The following ETAA1 variants were observed in gnomAD, a reference collection of about 807,000 sequenced individuals.
ETAA1 encodes the protein ewing's tumor-associated antigen 1.
Under a neutral mutation model 76.8 loss-of-function variants are expected in ETAA1, and 49 were observed. The observed-to-expected ratio is 0.64, with a 90% CI of 0.51 to 0.81. The LOEUF is 0.81. ETAA1 is among the 30% of genes least tolerant of loss of function. The probability of loss-of-function intolerance (pLI) is 0.00; values close to 1 mark genes in which losing one functional copy is unlikely to be tolerated. For missense variants in ETAA1, 1,099 were observed against 1,074.0 expected, an observed-to-expected ratio of 1.02 and a Z score of -0.32; for synonymous variants, 373 against 372.2, an observed-to-expected ratio of 1.00 and a Z score of -0.03.
chr2:67,405,241 G>A lies in ETAA1; in HGVS notation c.2559G>A (p.Val853=). The A allele has an allele frequency of 6.2e-7, 1 of 1,611,746 alleles. No individual in the cohort carries two copies. The highest frequency in any genetic ancestry group is 8.5e-7 in the Non-Finnish European group (1 of 1,178,818). ...CTGATACCAAAATTACACAGGGTGT[G>A]GAGAAAAAGAAAGGTGTCAACCCAT... ...SMSDTKITQG[V]EKKKGVNPLL... Residue 853 remains valine (V), a synonymous_variant, in exon 5 of 6, where the codon GTG becomes GTA. Transcript: ENST00000272342.
At position 67,403,223 on chromosome 2, in the gene ETAA1, A is replaced by C. The variant is rs1328016375; in HGVS notation, c.543-2A>C. 6.6e-6 allele frequency: 10 copies of C among 1,518,774 alleles called. No homozygotes were observed. Among genetic ancestry groups the C allele is most frequent in the Non-Finnish European group, 8.9e-7 (1 of 1,128,310 alleles). The allele number at this position is 1,518,774 out of a possible 1,614,324, so 94.1% of individuals were successfully genotyped here. On this transcript the variant is annotated splice_acceptor_variant, in intron 4 of 5. Transcript: ENST00000272342. LOFTEE classifies it high-confidence loss of function. ...TAGTTATTTTTTAATCTTGTTTAAT[A>C]GGTTAAAAACACAAAGTCAAGAAGA...
rs1676150273 is a variant in ETAA1, at chr2:67,404,593, T to C, written c.1911T>C (p.Cys637=). ...ACAGTAAGACATCAGAAAGTATATG[T>C]GAGATCAATAATAATTCCGAACATG... ...RKDSKTSESI[C]EINNNSEHGA... The change falls in exon 5 of 6, where the codon TGT becomes TGC. Residue 637 remains cysteine (C), a synonymous_variant. Coordinates refer to ENST00000272342, the MANE Select transcript of ETAA1 (RefSeq NM_019002.4). 6.2e-7 allele frequency: 1 copy of C among 1,613,384 alleles called. No individual in the cohort carries two copies. The highest frequency in any genetic ancestry group is 8.5e-7 in the Non-Finnish European group (1 of 1,179,520).
At chr2:67,402,775 TTGTC>T in intron 3 of ETAA1, 83 bp from the exon 4 acceptor site, 3 of 819,214 alleles carry the variant, frequency 3.7e-6, no homozygotes, top group South Asian at 2.8e-5. Context: ...TTAGTTTTTA[TTGTC>T]TTTTTTCTTT....
At chr2:67,405,391 ATAAT>A (rs983301126) in intron 5 of ETAA1, 56 bp downstream of exon 5, 8 of 1,364,464 alleles carry the variant, frequency 5.9e-6, no homozygotes, top group South Asian at 1.6e-5. Flanking sequence ...AAGTAGTAAA[ATAAT>A]TATTTGTTGT....
At position 67,404,004 on chromosome 2, in the gene ETAA1, CAA is replaced by C; in HGVS notation, c.1325_1326del (p.Lys442SerfsTer11). 3 of 1,607,656 alleles carry C rather than the reference CAA, an allele frequency of 1.9e-6. No individual in the cohort carries two copies. The highest frequency in any genetic ancestry group is 2.5e-6 in the Non-Finnish European group (3 of 1,177,796). ...AGTCCAGATGCCAGGTTAGGAGATT[CAA>C]AAGTATTACAAGATCTTTCTTCAAA... On this transcript the variant is annotated frameshift_variant, in exon 5 of 6. Transcript: ENST00000272342. LOFTEE classifies it high-confidence loss of function.
At chr2:67,398,236 C>A (rs1675943631) in intron 1 of ETAA1, among the ~76,000 whole-genome samples, 1 of 146,630 alleles carries the variant, frequency 6.8e-6, no homozygotes, top group Non-Finnish European at 1.5e-5. Flanking sequence ...TAAAAGACTT[C>A]TAGTAAATCT....
chr2:67,403,808 A>G lies in ETAA1; in HGVS notation c.1126A>G (p.Thr376Ala), dbSNP rs765764215. ...TSNKYIDAFT[T>A]SDFEDDWENL... ...TAATAAGTACATTGATGCATTTACT[A>G]CAAGTGATTTTGAGGATGATTGGGA... The change falls in exon 5 of 6, where the codon ACA becomes GCA. Residue 376 changes from threonine to alanine, a missense_variant. Physicochemically the swap from Thr to Ala is moderately conservative, Grantham distance 58 (BLOSUM62 0). Around this residue, in one of 3 missense-constraint regions of ETAA1, gnomAD observed 761 missense variants for 731.9 expected, o/e 1.04. Transcript: ENST00000272342. 5 of 1,613,238 alleles carry G rather than the reference A, an allele frequency of 3.1e-6. No individual in the cohort carries two copies. The African/African-American group carries it at 4.0e-5, about 13-fold the overall frequency.
Position 67,404,817 on chromosome 2 carries a change from T to C in ETAA1, c.2135T>C (p.Ile712Thr). Residue 712 changes from isoleucine to threonine, a missense_variant, in exon 5 of 6, where the codon ATA becomes ACA. Around this residue, in one of 3 missense-constraint regions of ETAA1, gnomAD observed 302 missense variants for 278.1 expected, o/e 1.09. Coordinates refer to ENST00000272342, the MANE Select transcript of ETAA1 (RefSeq NM_019002.4). ...ACATCTTTGACAAATAGCTCACAAA[T>C]AGATAAGCCAATGAAGATGGAGAAA... ...VQTSLTNSSQ[I>T]DKPMKMEKGE... 6.2e-7 allele frequency: 1 copy of C among 1,613,336 alleles called. No homozygotes were observed. Among genetic ancestry groups the C allele is most frequent in the Non-Finnish European group, 8.5e-7 (1 of 1,179,528 alleles).
chr2:67,402,799 T>C, intron 3 of ETAA1, 63 bp from the exon 4 acceptor site: 1 of 1,084,316 alleles, frequency 9.2e-7, no homozygotes, highest in East Asian at 2.8e-5. Flanking sequence ...TCTTTTGTTT[T>C]TTTGGAAGAC....
At chr2:67,399,445 C>T in intron 2 of ETAA1, 105 bp from the exon 3 acceptor site, 2 of 1,128,190 alleles carry the variant, frequency 1.8e-6, no homozygotes, top group East Asian at 2.5e-5. Context: ...AACACATAAT[C>T]CTCTAAGCTG....
At position 67,397,712 on chromosome 2, in the gene ETAA1, GCATCCCCA is replaced by G. The variant is rs1291790248; in HGVS notation, c.223+48_223+55del. On this transcript the variant is annotated intron_variant, in intron 1 of 5. Coordinates refer to ENST00000272342, the MANE Select transcript of ETAA1 (RefSeq NM_019002.4). ...CGCGGCCTGCCTTGGCTTCGGCGCC[GCATCCCCA>G]CATCCCAGCTTGCAACAGGGAAATC... 3.3e-6 allele frequency: 5 copies of G among 1,522,896 alleles called. No individual in the cohort carries two copies. In the East Asian group the frequency reaches 1.2e-4, roughly 37 times the overall value. The allele number at this position is 1,522,896 out of a possible 1,614,324, so 94.3% of individuals were successfully genotyped here. A position where few individuals can be genotyped will look rare whatever the true frequency, so the allele number is the denominator to read the frequency against.
chr2:67,405,582 C>T (rs1676194425), intron 5 of ETAA1, among the ~76,000 whole-genome samples: 1 of 151,894 alleles, frequency 6.6e-6, no homozygotes, highest in African/African-American at 2.4e-5. Context: ...CAATGACTGG[C>T]ATATAGTAGG....
chr2:67,402,844 T>C lies in ETAA1; in HGVS notation c.430-18T>C. 1.3e-6 allele frequency: 2 copies of C among 1,561,062 alleles called. No homozygotes were observed. The highest frequency in any genetic ancestry group is 1.7e-6 in the Non-Finnish European group (2 of 1,153,524). ...TACACTGGTACTTTATACCTCTTTTTTTCCCTATCTGCCAAAGGATGAAAA... is the reference window on the plus strand; with the variant it reads ...TACACTGGTACTTTATACCTCTTTTCTTCCCTATCTGCCAAAGGATGAAAA... On this transcript the variant is annotated intron_variant, in intron 3 of 5. Coordinates refer to ENST00000272342, the MANE Select transcript of ETAA1 (RefSeq NM_019002.4).
At chr2:67,402,694 C>T in intron 3 of ETAA1, 168 bp from the exon 4 acceptor site, 1 of 339,468 alleles carries the variant, frequency 2.9e-6, no homozygotes, top group Non-Finnish European at 5.3e-6. Context: ...ATTGCTATCT[C>T]CCAACTTCCT....
chr2:67,406,131 T>C (rs1676212728), intron 5 of ETAA1, among the ~76,000 whole-genome samples: 1 of 152,152 alleles, frequency 6.6e-6, no homozygotes. Context: ...AAATCCAAAC[T>C]GTATACTGTG....
intron 5 of ETAA1, among the ~76,000 whole-genome samples, chr2:67,409,600 G>A (rs754302445): frequency 2.0e-5 from 3 of 151,702 alleles, no homozygotes; most frequent in African/African-American, 4.8e-5. Flanking sequence ...TTATTCGTGG[G>A]TCATATAAAT....
rs2103767213 is a variant in ETAA1, at chr2:67,412,073, G to T, written c.*2035G>T. ...GTCTTTCATTGAGCAATACTATAAT[G>T]CCTTTATGTGTTGTTTAGTTGTATA... On this transcript the variant is annotated 3_prime_UTR_variant, in exon 6 of 6. Coordinates refer to ENST00000272342, the MANE Select transcript of ETAA1 (RefSeq NM_019002.4). The T allele has an allele frequency of 1.3e-5, 2 of 151,832 alleles. No individual in the cohort carries two copies. The highest frequency in any genetic ancestry group is 6.8e-3 in the Middle Eastern group (2 of 292). The allele number at this position is 151,832 out of a possible 1,614,324, so 9.4% of individuals were successfully genotyped here. A position where few individuals can be genotyped will look rare whatever the true frequency, so the allele number is the denominator to read the frequency against.
chr2:67,404,591 T>C lies in ETAA1; in HGVS notation c.1909T>C (p.Cys637Arg). ...RKDSKTSESICEINNNSEHGA... is the reference protein window; with the variant it reads ...RKDSKTSESIREINNNSEHGA... Reference sequence around the variant, plus strand: ...GGACAGTAAGACATCAGAAAGTATATGTGAGATCAATAATAATTCCGAACA... The same window carrying C: ...GGACAGTAAGACATCAGAAAGTATACGTGAGATCAATAATAATTCCGAACA... The change falls in exon 5 of 6, where the codon TGT (cysteine) becomes CGT (arginine). Residue 637 changes from cysteine to arginine, a missense_variant. Physicochemically the swap from Cys to Arg is radical, Grantham distance 180. Around this residue, in one of 3 missense-constraint regions of ETAA1, gnomAD observed 36 missense variants for 64.0 expected, o/e 0.56. Transcript: ENST00000272342. 1.9e-6 allele frequency: 3 copies of C among 1,613,346 alleles called. No homozygotes were observed. The highest frequency in any genetic ancestry group is 1.7e-6 in the Non-Finnish European group (2 of 1,179,504).
chr2:67,397,846 C>T (rs770275861), intron 1 of ETAA1, among the ~76,000 whole-genome samples, 175 bp downstream of exon 1: 1 of 152,144 alleles, frequency 6.6e-6, no homozygotes, highest in Non-Finnish European at 1.5e-5. Flanking sequence ...GCTTTTGTCC[C>T]CGAACTTCAG....
Sources: gnomAD v4.1 joint callset for allele counts (sites outside exome capture counted in the v4.1 genomes callset) on GRCh38, gnomAD v4.1.1 for gene constraint, gnomAD v4.1.1 regional missense constraint, MANE v1.5 for transcripts, NCBI Gene and HGNC (gene_info 2026-07-23, HGNC 2026-07-21) for gene names.